ZNF385D: variants seen among roughly 807,000 people sequenced by gnomAD.
ZNF385D encodes zinc finger protein 385D.
Under a neutral mutation model 35.8 loss-of-function variants are expected in ZNF385D, and 15 were observed. The observed-to-expected ratio is 0.42, with a 90% CI of 0.28 to 0.64. The LOEUF is 0.64. ZNF385D is among the 30% of genes least tolerant of loss of function. ZNF385D has a pLI of 0.23. For missense variants in ZNF385D, 474 were observed against 494.6 expected (o/e 0.96, Z 0.39); for synonymous variants, 212 against 186.8 (o/e 1.13, Z -1.10).
intron 2 of ZNF385D, among the ~76,000 whole-genome samples, chr3:22,195,365 C>T (rs907543242): frequency 6.6e-6 from 1 of 151,968 alleles, no homozygotes; most frequent in African/African-American, 2.4e-5. Flanking sequence ...CGTACCCACA[C>T]ATACACACAA....
intron 1 of ZNF385D, among the ~76,000 whole-genome samples, chr3:21,712,397 T>C (rs967197313): frequency 6.6e-6 from 1 of 152,184 alleles, no homozygotes; most frequent in Non-Finnish European, 1.5e-5. Flanking sequence ...CATTGGCTGA[T>C]TGAACTCACG....
At chr3:22,014,244 A>G (rs746282497) in intron 3 of ZNF385D, among the ~76,000 whole-genome samples, 5 of 152,138 alleles carry the variant, frequency 3.3e-5, no homozygotes, top group Non-Finnish European at 7.4e-5. Flanking sequence ...AAGGAAATGC[A>G]GTAGAAGTAA....
intron 3 of ZNF385D, among the ~76,000 whole-genome samples, chr3:21,815,834 G>A (rs1206069490): frequency 6.6e-6 from 1 of 152,030 alleles, no homozygotes; most frequent in Non-Finnish European, 1.5e-5. Context: ...ATTTTATGAG[G>A]CCAGCATCAT....
At chr3:22,327,348 A>G (rs1694726147) in intron 2 of ZNF385D, among the ~76,000 whole-genome samples, 1 of 151,726 alleles carries the variant, frequency 6.6e-6, no homozygotes, top group Non-Finnish European at 1.5e-5. Context: ...AAATTAAACT[A>G]CAAGTAGAAA....
chr3:22,010,738 G>A (rs984506666), intron 3 of ZNF385D, among the ~76,000 whole-genome samples: 6 of 152,148 alleles, frequency 3.9e-5, no homozygotes, highest in Non-Finnish European at 8.8e-5. Flanking sequence ...TTTTCCAGAT[G>A]TATCACTATC....
At chr3:21,445,516 G>A (rs997828330) in intron 4 of ZNF385D, among the ~76,000 whole-genome samples, 14 of 152,096 alleles carry the variant, frequency 9.2e-5, no homozygotes, top group Non-Finnish European at 1.6e-4. Context: ...AGAAGCCTTG[G>A]CATGTCTTTT....
At chr3:21,744,839 AC>A (rs1217827478) in intron 1 of ZNF385D, among the ~76,000 whole-genome samples, 1 of 144,326 alleles carries the variant, frequency 6.9e-6, no homozygotes, top group Non-Finnish European at 1.6e-5. Context: ...CCTTACTAGG[AC>A]TTGGGTTAAA....
chr3:21,430,899 A>C (rs1450395876), intron 5 of ZNF385D: 1 of 152,210 alleles, frequency 6.6e-6, no homozygotes, highest in Non-Finnish European at 1.5e-5. Context: ...ATGCTGTCTT[A>C]TTTATAAAAA....
At chr3:21,809,077 T>C (rs758610829) in intron 3 of ZNF385D, among the ~76,000 whole-genome samples, 4 of 152,172 alleles carry the variant, frequency 2.6e-5, no homozygotes, top group Non-Finnish European at 4.4e-5. Context: ...TCATCTTATA[T>C]AGAACTAGAA....
intron 3 of ZNF385D, among the ~76,000 whole-genome samples, chr3:21,555,189 C>G (rs1382731572): frequency 6.6e-6 from 1 of 150,918 alleles, no homozygotes; most frequent in Non-Finnish European, 1.5e-5. Context: ...CTCTTTCTTT[C>G]ACTTGAACAC....
intron 3 of ZNF385D, among the ~76,000 whole-genome samples, chr3:21,828,900 C>T (rs572425709): frequency 6.6e-6 from 1 of 152,312 alleles, no homozygotes; most frequent in Non-Finnish European, 1.5e-5. Flanking sequence ...TTTCAAAGCA[C>T]ATCAGTACAA....
intron 2 of ZNF385D, among the ~76,000 whole-genome samples, chr3:22,313,475 G>GAA (rs1703702074): frequency 1.3e-5 from 2 of 151,944 alleles, no homozygotes; most frequent in Non-Finnish European, 2.9e-5. Flanking sequence ...ATTAAATTAT[G>GAA]AATAAATTTC....
At chr3:21,825,407 G>C (rs535679208) in intron 3 of ZNF385D, among the ~76,000 whole-genome samples, 6 of 152,046 alleles carry the variant, frequency 3.9e-5, no homozygotes, top group Non-Finnish European at 8.8e-5. Flanking sequence ...CCCTACATCA[G>C]TCAAATTGCT....
intron 3 of ZNF385D, among the ~76,000 whole-genome samples, chr3:22,060,365 G>A (rs1699628752): frequency 6.6e-6 from 1 of 152,092 alleles, no homozygotes; most frequent in South Asian, 2.1e-4. Flanking sequence ...AAAAATTAAT[G>A]TTTAACACTA....
At chr3:21,795,921 A>G (rs2125673062) in intron 3 of ZNF385D, among the ~76,000 whole-genome samples, 1 of 152,312 alleles carries the variant, frequency 6.6e-6, no homozygotes, top group East Asian at 1.9e-4. Flanking sequence ...AAAAGCTAAT[A>G]ATTTGCTACA....
chr3:21,549,938 A>G (rs1339744245), intron 3 of ZNF385D, among the ~76,000 whole-genome samples: 2 of 152,190 alleles, frequency 1.3e-5, no homozygotes, highest in Non-Finnish European at 2.9e-5. Flanking sequence ...GACAGGGACA[A>G]TTTGTCCCTG....
chr3:22,171,441 A>G (rs925049629), intron 2 of ZNF385D, among the ~76,000 whole-genome samples: 11 of 152,222 alleles, frequency 7.2e-5, no homozygotes, highest in African/African-American at 2.7e-4. Context: ...AATAAAGACT[A>G]TATTATCAGG....
At chr3:22,063,067 T>C (rs998847881) in intron 3 of ZNF385D, among the ~76,000 whole-genome samples, 19 of 152,126 alleles carry the variant, frequency 1.2e-4, no homozygotes, top group African/African-American at 4.6e-4. Flanking sequence ...TGGGGGTAAT[T>C]TGTTATGCAG....
At chr3:22,336,768 G>A (rs903453669) in intron 2 of ZNF385D, among the ~76,000 whole-genome samples, 1 of 151,446 alleles carries the variant, frequency 6.6e-6, no homozygotes, top group Non-Finnish European at 1.5e-5. Flanking sequence ...CATAATGTGG[G>A]TTAGTAATCT....
Sources: allele counts gnomAD v4.1 joint callset (sites outside exome capture counted in the v4.1 genomes callset), GRCh38; gene constraint gnomAD v4.1.1; transcripts MANE v1.5; gene names NCBI Gene and HGNC (gene_info 2026-07-23, HGNC 2026-07-21).